The following OLFM1 variants were observed in gnomAD, a reference collection of about 807,000 sequenced individuals.
OLFM1 encodes the protein noelin.
A neutral mutation model predicts 49.7 loss-of-function variants in OLFM1; 9 were observed. The observed-to-expected ratio is 0.18, with a 90% CI of 0.11 to 0.32. The LOEUF (loss-of-function observed/expected upper bound fraction) is 0.32, where lower values mean the gene tolerates loss of function less well. Among genes scored for constraint, OLFM1 ranks in the 10% least tolerant of loss-of-function variants. The probability of loss-of-function intolerance (pLI) is 1.00; values close to 1 mark genes in which losing one functional copy is unlikely to be tolerated. For missense variants in OLFM1, 369 were observed against 661.8 expected, an observed-to-expected ratio of 0.56 and a Z score of 4.85; for synonymous variants, 240 against 271.8, an observed-to-expected ratio of 0.88 and a Z score of 1.15.
At position 135,119,935 on chromosome 9, in the gene OLFM1, C is replaced by T. The variant is rs763405294; in HGVS notation, c.1215C>T (p.Ala405=). 13 of 1,613,464 alleles carry T rather than the reference C, an allele frequency of 8.1e-6. No homozygotes were observed. In the African/African-American group the frequency reaches 1.7e-4, roughly 22 times the overall value. The stretch of plus-strand genomic sequence containing the variant: ...ACCCCAAGCGCAGCGCCGGGGAGGC[C>T]TTCATCATCTGCGGCACGCTGTACG... ...TSYPKRSAGE[A]FIICGTLYVT... Residue 405 remains alanine (A), a synonymous_variant, in exon 6 of 6, where the codon GCC becomes GCT. Transcript: ENST00000371793.
rs768328899 is a variant in OLFM1, at chr9:135,098,361, G to A, written c.532G>A (p.Val178Ile). ...AGAGTACAAGGCCGATGCCAAATTGGTATTGCAGTTTAAAGAGGAGGTCCA... is the reference window on the plus strand; with the variant it reads ...AGAGTACAAGGCCGATGCCAAATTGATATTGCAGTTTAAAGAGGAGGTCCA... ...LEEYKADAKL[V>I]LQFKEEVQNL... Residue 178 changes from valine to isoleucine, a missense_variant, in exon 4 of 6, where the codon GTA becomes ATA. By Grantham distance (29) the Val-to-Ile change is conservative. This residue lies in a region of OLFM1 where 294 missense variants were observed against 567.5 expected (regional missense o/e 0.52). Transcript: ENST00000371793. This position sits in a 1 kb window ranked among gnomAD's most constrained non-coding sequence, Gnocchi z 5.6. 1 of 1,613,912 alleles carries A rather than the reference G, an allele frequency of 6.2e-7. No homozygotes were observed. Among genetic ancestry groups the A allele is most frequent in the Non-Finnish European group, 8.5e-7 (1 of 1,180,024 alleles).
At chr9:135,083,491 C>T (rs947400005), upstream of OLFM1, among the ~76,000 whole-genome samples, 5 of 152,240 alleles carry the variant, frequency 3.3e-5, no homozygotes, top group South Asian at 6.2e-4. Context: ...ATGGAGGAAA[C>T]GTCCCCCAGC....
chr9:135,090,978 G>A (rs62573440), intron 2 of OLFM1, among the ~76,000 whole-genome samples: 5,118 of 152,276 alleles, frequency 0.034, 167 homozygotes, highest in African/African-American at 0.083. Context: ...TTTTGAATCC[G>A]TTATTTCACT....
intron 5 of OLFM1, among the ~76,000 whole-genome samples, chr9:135,118,892 T>TGGGTCTTTGGAGTGCTCGCC (rs1472089510): frequency 1.4e-5 from 2 of 142,858 alleles, no homozygotes; most frequent in African/African-American, 2.6e-5. Context: ...GAGTGCTTAC[T>TGGGTCTTTGGAGTGCTCGCC]GGGTCTTTGG....
rs1830522827 is a variant in OLFM1 at position 135,080,827 on chromosome 9, C to T, written c.96+5025C>T. Among the ~76,000 whole-genome samples, 1 of 152,164 alleles carries T rather than the reference C, an allele frequency of 6.6e-6. No homozygotes were observed. Among genetic ancestry groups the T allele is most frequent in the African/African-American group, 2.4e-5 (1 of 41,440 alleles). Reference sequence around the variant, plus strand: ...CCAGCTCTGAAAGATTCGTCCTGGACACCCTGCACGCTCGGAAACCTCAGC... The same window carrying T: ...CCAGCTCTGAAAGATTCGTCCTGGATACCCTGCACGCTCGGAAACCTCAGC... On this transcript the variant is annotated intron_variant, in intron 1 of 5. Coordinates refer to the OLFM1 transcript ENST00000252854. The surrounding 1 kb of genome is among the most constrained non-coding windows in gnomAD (Gnocchi z 4.5).
intron 2 of OLFM1, among the ~76,000 whole-genome samples, chr9:135,091,624 C>T (rs906929704): frequency 6.8e-6 from 1 of 146,770 alleles, no homozygotes; most frequent in African/African-American, 2.5e-5. Flanking sequence ...CAGTCACACA[C>T]ACTCACATAG....
At chr9:135,101,069 T>A (rs1383731634) in intron 4 of OLFM1, among the ~76,000 whole-genome samples, 1 of 152,184 alleles carries the variant, frequency 6.6e-6, no homozygotes, top group Non-Finnish European at 1.5e-5. Flanking sequence ...TAATTTAGCT[T>A]CATTTTAGCC....
chr9:135,085,283 C>G (rs77075871), upstream of OLFM1, among the ~76,000 whole-genome samples: 1 of 152,214 alleles, frequency 6.6e-6, no homozygotes, highest in African/African-American at 2.4e-5. Flanking sequence ...CTCTGTGGCT[C>G]GTGGAACTGT....
At chr9:135,086,538 C>T (rs1830599334), upstream of OLFM1, 8 of 433,528 alleles carry the variant, frequency 1.8e-5, no homozygotes, top group Non-Finnish European at 3.3e-5. Context: ...TAATTTTCGC[C>T]CAGGCAGAGA....
In OLFM1 at chr9:135,119,738, G is replaced by A. The variant is rs759911203; in HGVS notation, c.1018G>A (p.Gly340Ser). The A allele has an allele frequency of 8.7e-6, 14 of 1,614,066 alleles. No individual in the cohort carries two copies. Among genetic ancestry groups the A allele is most frequent in the East Asian group, 4.5e-5 (2 of 44,878 alleles). The part of the protein sequence containing the change: ...ILKTRSLDYA[G>S]YNNMYHYAWG... The stretch of plus-strand genomic sequence containing the variant: ...CAAGACCCGCAGCCTGGACTATGCC[G>A]GTTACAACAACATGTACCACTACGC... Residue 340 changes from glycine (G) to serine (S), a missense_variant, in exon 6 of 6, where the codon GGT becomes AGT. Physicochemically the swap from Gly to Ser is moderately conservative, Grantham distance 56. This residue lies in a region of OLFM1 where 294 missense variants were observed against 567.5 expected (regional missense o/e 0.52). Transcript: ENST00000371793.
chr9:135,076,223 A>C, intron 1 of OLFM1: 2 of 1,550,570 alleles, frequency 1.3e-6, no homozygotes, highest in Non-Finnish European at 1.7e-6. Flanking sequence ...CACACCCCTG[A>C]GTGGCTCATC....
chr9:135,075,676 G>A (rs764933940), exon 1 of OLFM1: 7 of 1,526,328 alleles, frequency 4.6e-6, no homozygotes, highest in Non-Finnish European at 5.3e-6. Flanking sequence ...CGTCCACGCA[G>A]CCGCCGGCCG....
chr9:135,087,604 C>T (rs1051917856), upstream of OLFM1: 13 of 770,108 alleles, frequency 1.7e-5, no homozygotes, highest in Non-Finnish European at 2.2e-5. Context: ...CGGATTGCGT[C>T]GGTCCCGCCC....
At chr9:135,076,959 C>A (rs1830474565) in intron 1 of OLFM1, 2 of 1,550,488 alleles carry the variant, frequency 1.3e-6, no homozygotes, top group Admixed American at 2.0e-5. Flanking sequence ...CAGTCCAAAT[C>A]CCAATCCAGC....
chr9:135,119,442 G>A (rs1831155547), intron 5 of OLFM1, 62 bp from the exon 6 acceptor site: 2 of 1,381,328 alleles, frequency 1.4e-6, no homozygotes, highest in Non-Finnish European at 2.0e-6. Context: ...GTGCTCACTG[G>A]GTCTTTGGAG....
chr9:135,111,749 C>T (rs892104284), intron 5 of OLFM1, among the ~76,000 whole-genome samples: 15 of 152,142 alleles, frequency 9.9e-5, no homozygotes, highest in Non-Finnish European at 1.8e-4. Context: ...CTTGCTCTGT[C>T]GTCAGACTGG....
chr9:135,108,844 C>T (rs986325222), intron 5 of OLFM1, among the ~76,000 whole-genome samples: 4 of 152,094 alleles, frequency 2.6e-5, no homozygotes, highest in Non-Finnish European at 5.9e-5. Flanking sequence ...TGTTCTCACG[C>T]CCAGAGGCAG....
At position 135,088,305 on chromosome 9, in the gene OLFM1, G is replaced by C. The variant is rs1281169805; in HGVS notation, c.150+166G>C. ...GGCAGGCGTCGCGGGCCGGCGCAGC[G>C]GTGGCGACCCTGCTCCCCGCTCCCC... On this transcript the variant is annotated intron_variant, in intron 1 of 5. Transcript: ENST00000371793. The surrounding 1 kb of genome is among the most constrained non-coding windows in gnomAD (Gnocchi z 4.8). 6.6e-6 allele frequency among the ~76,000 whole-genome samples: 1 copy of C among 151,774 alleles called. No homozygotes were observed. Among genetic ancestry groups the C allele is most frequent in the African/African-American group, 2.4e-5 (1 of 41,360 alleles).
At position 135,088,911 on chromosome 9, in the gene OLFM1, T is replaced by C. The variant is rs1289913364; in HGVS notation, c.150+772T>C. Among the ~76,000 whole-genome samples the C allele has an allele frequency of 3.3e-5, 5 of 152,184 alleles. No homozygotes were observed. Among genetic ancestry groups the C allele is most frequent in the Non-Finnish European group, 7.3e-5 (5 of 68,034 alleles). ...GGAGGGGAACCGTGGCCGGGGCTGCTTCTGGGCAGAGCTGACTTAGATGGC... is the reference window on the plus strand; with the variant it reads ...GGAGGGGAACCGTGGCCGGGGCTGCCTCTGGGCAGAGCTGACTTAGATGGC... On this transcript the variant is annotated intron_variant, in intron 1 of 5. Transcript: ENST00000371793. The surrounding 1 kb of genome is among the most constrained non-coding windows in gnomAD (Gnocchi z 4.8).
Sources: allele counts gnomAD v4.1 joint callset (sites outside exome capture counted in the v4.1 genomes callset), GRCh38; gene constraint gnomAD v4.1.1; regional missense constraint gnomAD v4.1.1; non-coding constraint Gnocchi (gnomAD v3.1); transcripts MANE v1.5; gene names NCBI Gene and HGNC (gene_info 2026-07-23, HGNC 2026-07-21).